Variants in ITPR3 observed in about 807,000 individuals in gnomAD.
ITPR3 encodes the protein inositol 1,4,5-trisphosphate-gated calcium channel ITPR3.
Under a neutral mutation model 293.2 loss-of-function variants are expected in ITPR3, and 173 were observed. That is an observed-to-expected ratio of 0.59 (90% CI 0.52 to 0.67). The LOEUF is 0.67. ITPR3 is among the 30% of genes least tolerant of loss of function. The pLI, the probability that ITPR3 is intolerant of heterozygous loss-of-function variation, is 0.00. For missense variants in ITPR3, 2,796 were observed against 3,592.1 expected (o/e 0.78, Z 5.66); for synonymous variants, 1,295 against 1,444.4 (o/e 0.90, Z 2.35).
intron 13 of ITPR3, 125 bp downstream of exon 13, chr6:33,665,338 G>A (rs1764582866): frequency 3.9e-6 from 5 of 1,288,132 alleles, no homozygotes; most frequent in African/African-American, 1.5e-5. Context: ...ACTGGCCCCT[G>A]TGGGGCCCTG....
chr6:33,660,993 C>A (rs1489995538), intron 7 of ITPR3, among the ~76,000 whole-genome samples: 1 of 152,152 alleles, frequency 6.6e-6, no homozygotes, highest in African/African-American at 2.4e-5. Flanking sequence ...TTGGGCCTCA[C>A]TCTGTGGTCT....
chr6:33,693,018 C>A, intron 55 of ITPR3, 125 bp downstream of exon 55: 3 of 901,624 alleles, frequency 3.3e-6, no homozygotes, highest in Non-Finnish European at 5.0e-6. Flanking sequence ...TGACTTGATG[C>A]ATTTGCTCAT....
chr6:33,687,018 T>C lies in ITPR3; in HGVS notation c.5989T>C (p.Ser1997Pro). The change falls in exon 44 of 58, where the codon TCC becomes CCC. Residue 1997 changes from serine (S) to proline (P), a missense_variant. Ser to Pro is a moderately conservative substitution (Grantham distance 74). This residue lies in a region of ITPR3 where 704 missense variants were observed against 797.5 expected (regional missense o/e 0.88). Transcript: ENST00000605930. The surrounding 1 kb of genome is among the most constrained non-coding windows in gnomAD (Gnocchi z 5.3). ...CTGCCCCTCCACCCAGGACAATGCCTCCAAGCTGCTCCTGGCTCTGATGGA... is the reference window on the plus strand; with the variant it reads ...CTGCCCCTCCACCCAGGACAATGCCCCCAAGCTGCTCCTGGCTCTGATGGA... ...DLVLQLKDNA[S>P]KLLLALMESR... The C allele has an allele frequency of 1.2e-6, 2 of 1,613,850 alleles. No homozygotes were observed. Among genetic ancestry groups the C allele is most frequent in the Non-Finnish European group, 1.7e-6 (2 of 1,179,928 alleles).
chr6:33,695,644 C>T (rs1210744717), intron 57 of ITPR3, 68 bp from the exon 58 acceptor site: 1 of 1,496,666 alleles, frequency 6.7e-7, no homozygotes, highest in Non-Finnish European at 9.3e-7. Context: ...CCAAGCTCTT[C>T]CACAGCACCC....
chr6:33,676,771 C>A lies in ITPR3; in HGVS notation c.3286C>A (p.Gln1096Lys). The A allele has an allele frequency of 6.2e-7, 1 of 1,614,130 alleles. No homozygotes were observed. Among genetic ancestry groups the A allele is most frequent in the Non-Finnish European group, 8.5e-7 (1 of 1,179,990 alleles). The change falls in exon 26 of 58, where the codon CAG becomes AAG. Residue 1096 changes from glutamine to lysine, a missense_variant. Gln to Lys is a moderately conservative substitution (Grantham distance 53, BLOSUM62 1). Coordinates refer to ENST00000605930, the MANE Select transcript of ITPR3 (RefSeq NM_002224.4). Reference sequence around the variant, plus strand: ...CAGGCCCATCCTCCACCTTCAGGTTCAGCTGCTGATCTCAGCGCAGGACGT... The same window carrying A: ...CAGGCCCATCCTCCACCTTCAGGTTAAGCTGCTGATCTCAGCGCAGGACGT... The part of the protein sequence containing the change: ...QEAMHTFKQV[Q>K]LLISAQDVEN...
Position 33,695,044 on chromosome 6 carries a change from G to T in ITPR3, c.7906G>T (p.Val2636Leu), listed in dbSNP as rs369740758. 1.9e-6 allele frequency: 3 copies of T among 1,614,056 alleles called. No individual in the cohort carries two copies. The highest frequency in any genetic ancestry group is 2.2e-5 in the East Asian group (1 of 44,876). Reference sequence around the variant, plus strand: ...CAAGCTCAACTCCACCATGAAGCTGGTGTCCCACCTCACTGCCCAGCTCAA... The same window carrying T: ...CAAGCTCAACTCCACCATGAAGCTGTTGTCCCACCTCACTGCCCAGCTCAA... Reference protein sequence around the residue: ...QDKLNSTMKLVSHLTAQLNEL... With the variant: ...QDKLNSTMKLLSHLTAQLNEL... The change falls in exon 57 of 58, where the codon GTG becomes TTG. Residue 2636 changes from valine (V) to leucine (L), a missense_variant. Val to Leu is a conservative substitution (Grantham distance 32, BLOSUM62 1). Around this residue, in one of 8 missense-constraint regions of ITPR3, gnomAD observed 568 missense variants for 796.1 expected, o/e 0.71. Coordinates refer to ENST00000605930, the MANE Select transcript of ITPR3 (RefSeq NM_002224.4).
Position 33,680,147 on chromosome 6 carries a change from G to A in ITPR3, c.4224+14G>A. On this transcript the variant is annotated intron_variant, in intron 31 of 57. Coordinates refer to ENST00000605930, the MANE Select transcript of ITPR3 (RefSeq NM_002224.4). The stretch of plus-strand genomic sequence containing the variant: ...TGCATCACTGAGGTGGGGATCGGGA[G>A]ACTGGGCAAGACGGCTGGAGATGGG... The A allele has an allele frequency of 1.2e-6, 2 of 1,607,722 alleles. No individual in the cohort carries two copies. Among genetic ancestry groups the A allele is most frequent in the Admixed American group, 1.7e-5 (1 of 59,954 alleles).
Position 33,654,929 on chromosome 6 carries a change from C to A in ITPR3, c.161-837C>A, listed in dbSNP as rs935905751. On this transcript the variant is annotated intron_variant, in intron 2 of 57. Coordinates refer to ENST00000605930, the MANE Select transcript of ITPR3 (RefSeq NM_002224.4). This position sits in a 1 kb window ranked among gnomAD's most constrained non-coding sequence, Gnocchi z 4.1. Reference sequence around the variant, plus strand: ...CCCTCCTACCAAGCTTTCGAACAGGCTTTTCCAACTCCTGCCTCCTTTGGA... The same window carrying A: ...CCCTCCTACCAAGCTTTCGAACAGGATTTTCCAACTCCTGCCTCCTTTGGA... 6.6e-6 allele frequency among the ~76,000 whole-genome samples: 1 copy of A among 152,238 alleles called. No homozygotes were observed. Among genetic ancestry groups the A allele is most frequent in the Non-Finnish European group, 1.5e-5 (1 of 68,046 alleles).
intron 29 of ITPR3, 39 bp downstream of exon 29, chr6:33,678,582 G>A (rs773669528): frequency 1.3e-6 from 2 of 1,561,478 alleles, no homozygotes; most frequent in Non-Finnish European, 8.7e-7. Context: ...ACGAGGCGGG[G>A]GATGGGGGGT....
rs1764792902 is a variant in ITPR3, at chr6:33,672,384, G to A, written c.2928+156G>A. On this transcript the variant is annotated intron_variant, in intron 22 of 57. Coordinates refer to ENST00000605930, the MANE Select transcript of ITPR3 (RefSeq NM_002224.4). The surrounding 1 kb of genome is among the most constrained non-coding windows in gnomAD (Gnocchi z 5.0). ...GCTGTCAGGCCCAGCGGTTCCCACA[G>A]TGTGGTTCTTGGGCCAGCCTCACCT... Among the ~76,000 whole-genome samples, 1 of 152,068 alleles carries A rather than the reference G, an allele frequency of 6.6e-6. No homozygotes were observed. The highest frequency in any genetic ancestry group is 2.4e-5 in the African/African-American group (1 of 41,424).
intron 57 of ITPR3, 200 bp from the exon 58 acceptor site, chr6:33,695,512 T>C: frequency 1.7e-6 from 1 of 601,944 alleles, no homozygotes; most frequent in Non-Finnish European, 3.0e-6. Flanking sequence ...AATCCAGGGT[T>C]TGTGACACGC....
intron 2 of ITPR3, among the ~76,000 whole-genome samples, chr6:33,648,829 A>G (rs1192026149): frequency 6.6e-6 from 1 of 151,502 alleles, no homozygotes; most frequent in East Asian, 2.0e-4. Flanking sequence ...TCCTAGGCTC[A>G]GTGATCCTCT....
intron 56 of ITPR3, 142 bp downstream of exon 56, chr6:33,693,847 GGA>G (rs1765462026): frequency 3.1e-6 from 3 of 978,660 alleles, no homozygotes; most frequent in Non-Finnish European, 4.5e-6. Context: ...GTTGGCCCTA[GGA>G]GGCCAGGCAG....
At chr6:33,674,295 G>A (rs1024444002) in intron 24 of ITPR3, 30 bp downstream of exon 24, 1 of 1,610,812 alleles carries the variant, frequency 6.2e-7, no homozygotes, top group Non-Finnish European at 8.5e-7. Context: ...GCAGGGGTGT[G>A]TGGGGTTGGG....
intron 39 of ITPR3, 75 bp downstream of exon 39, chr6:33,685,018 G>A (rs1765186787): frequency 2.0e-6 from 3 of 1,497,554 alleles, no homozygotes; most frequent in South Asian, 2.5e-5. Context: ...CCTTGAGTTG[G>A]GCACTGAAGG....
At chr6:33,631,550 C>T (rs936443330) in intron 1 of ITPR3, among the ~76,000 whole-genome samples, 2 of 152,182 alleles carry the variant, frequency 1.3e-5, no homozygotes, top group African/African-American at 4.8e-5. Flanking sequence ...CTATCTACTG[C>T]GCTCTTCAAA....
rs1343820101 is a variant in ITPR3 at position 33,655,267 on chromosome 6, C to T, written c.161-499C>T. 2.6e-5 allele frequency among the ~76,000 whole-genome samples: 4 copies of T among 152,306 alleles called. No individual in the cohort carries two copies. Among genetic ancestry groups the T allele is most frequent in the Non-Finnish European group, 4.4e-5 (3 of 68,022 alleles). On this transcript the variant is annotated intron_variant, in intron 2 of 57. Coordinates refer to ENST00000605930, the MANE Select transcript of ITPR3 (RefSeq NM_002224.4). The surrounding 1 kb of genome is among the most constrained non-coding windows in gnomAD (Gnocchi z 4.9). Reference sequence around the variant, plus strand: ...GAGCTCAGGATTGTGAGCTGTTCCTCGGACTGTCCCCTCCAGAGGCTGGGC... The same window carrying T: ...GAGCTCAGGATTGTGAGCTGTTCCTTGGACTGTCCCCTCCAGAGGCTGGGC...
chr6:33,644,656 A>G (rs968744951), intron 2 of ITPR3, among the ~76,000 whole-genome samples: 3 of 141,894 alleles, frequency 2.1e-5, no homozygotes, highest in Non-Finnish European at 4.6e-5. Flanking sequence ...ACTGTGCACA[A>G]TATAGGTTTT....
At chr6:33,642,578 T>C (rs952918241) in intron 2 of ITPR3, among the ~76,000 whole-genome samples, 3 of 151,956 alleles carry the variant, frequency 2.0e-5, no homozygotes, top group African/African-American at 7.3e-5. Flanking sequence ...TAGTGAACAG[T>C]TTGGGGCCAA....
Sources: allele counts gnomAD v4.1 joint callset (sites outside exome capture counted in the v4.1 genomes callset), GRCh38; gene constraint gnomAD v4.1.1; regional missense constraint gnomAD v4.1.1; non-coding constraint Gnocchi (gnomAD v3.1); transcripts MANE v1.5; gene names NCBI Gene and HGNC (gene_info 2026-07-23, HGNC 2026-07-21).